The following RRM2B variants were observed in gnomAD, a reference collection of about 807,000 sequenced individuals.
RRM2B encodes the protein ribonucleotide reductase regulatory TP53 inducible subunit M2B.
RRM2B carries 20 observed loss-of-function variants against 45.9 expected under a neutral mutation model. That is an observed-to-expected ratio of 0.44 (90% CI 0.31 to 0.63). The LOEUF is 0.63. Among genes scored for constraint, RRM2B ranks in the 30% least tolerant of loss-of-function variants. The pLI is 0.09. For missense variants in RRM2B, 320 were observed against 414.7 expected (o/e 0.77, Z 1.98); for synonymous variants, 124 against 132.3 (o/e 0.94, Z 0.43).
At chr8:102,231,033 T>TA (rs1257439015) in intron 2 of RRM2B, among the ~76,000 whole-genome samples, 1 of 152,158 alleles carries the variant, frequency 6.6e-6, no homozygotes, top group Non-Finnish European at 1.5e-5. Context: ...TCTTGAAAAA[T>TA]AGATTCAAAT....
In RRM2B at chr8:102,226,036, T is replaced by C. The variant is rs863224194; in HGVS notation, c.205-2A>G. The C allele has an allele frequency of 6.3e-7, 1 of 1,579,654 alleles. No homozygotes were observed. Among genetic ancestry groups the C allele is most frequent in the Non-Finnish European group, 8.7e-7 (1 of 1,148,872 alleles). ...AGGGAGATCCTTTGATAAGTCGACC[T>C]GGAATAAAAAGATTTTCAAAAATTT... is the stretch of plus-strand genomic sequence containing the variant. On this transcript the variant is annotated splice_acceptor_variant, in intron 2 of 8. Transcript: ENST00000251810. LOFTEE classifies it high-confidence loss of function.
chr8:102,221,336 TAAG>T (rs1338628155), intron 5 of RRM2B, among the ~76,000 whole-genome samples: 11 of 152,178 alleles, frequency 7.2e-5, no homozygotes, highest in African/African-American at 9.7e-5. Flanking sequence ...CAAAAGGCAC[TAAG>T]AAGGTCACCA....
At chr8:102,228,884 A>G (rs1029162328) in intron 2 of RRM2B, among the ~76,000 whole-genome samples, 3 of 152,360 alleles carry the variant, frequency 2.0e-5, no homozygotes, top group East Asian at 1.9e-4. Context: ...AAAATCTTTT[A>G]AATATTTTTC....
rs1001932232 is a variant in RRM2B at position 102,207,184 on chromosome 8, T to TCCTG, written c.*948_*949insCAGG. 199 of 152,354 alleles carry TCCTG rather than the reference T, an allele frequency of 1.3e-3. 2 individuals carry two copies. The highest frequency in any genetic ancestry group is 4.7e-3 in the African/African-American group (196 of 41,582). 9.4% of individuals were successfully genotyped at this position (152,354 alleles called of 1,614,324 possible). On this transcript the variant is annotated 3_prime_UTR_variant, in exon 9 of 9. Coordinates refer to ENST00000251810, the MANE Select transcript of RRM2B (RefSeq NM_015713.5). The stretch of plus-strand genomic sequence containing the variant: ...CCACTGAACTGCTCAGTCTTTGATG[T>TCCTG]ACTGACTGTACTTGCTAAAGAAGAA...
At chr8:102,238,499 C>A (rs2132570216) in intron 1 of RRM2B, 1 of 1,378,916 alleles carries the variant, frequency 7.3e-7, no homozygotes, top group Admixed American at 2.3e-5. Flanking sequence ...GGCCAGGGCT[C>A]CAAAACAGGG....
chr8:102,218,790 C>G, intron 6 of RRM2B, 24 bp downstream of exon 6: 2 of 1,467,984 alleles, frequency 1.4e-6, no homozygotes, highest in South Asian at 2.3e-5. Context: ...ACAAATATAA[C>G]TAGAAAAACA....
intron 1 of RRM2B, chr8:102,238,309 C>A (rs1470948071): frequency 8.9e-6 from 3 of 336,164 alleles, no homozygotes; most frequent in Non-Finnish European, 1.8e-5. Flanking sequence ...GGCCTCCTAC[C>A]CTGATTTTTT....
Position 102,205,752 on chromosome 8 carries a change from A to G in RRM2B, c.*2381T>C, listed in dbSNP as rs1810532710. 6.6e-6 allele frequency: 1 copy of G among 152,146 alleles called. No individual in the cohort carries two copies. The highest frequency in any genetic ancestry group is 2.4e-5 in the African/African-American group (1 of 41,458). 9.4% of individuals were successfully genotyped at this position (152,146 alleles called of 1,614,324 possible). A position where few individuals can be genotyped will look rare whatever the true frequency, so the allele number is the denominator to read the frequency against. On this transcript the variant is annotated 3_prime_UTR_variant, in exon 9 of 9. Transcript: ENST00000251810. ...GATAATATTTTTAAAAGATTACACA[A>G]CTTCTTGATTCTTTAAGAACTAAGA...
chr8:102,214,729 C>T (rs1452529178), intron 6 of RRM2B, among the ~76,000 whole-genome samples: 1 of 122,946 alleles, frequency 8.1e-6, no homozygotes, highest in Non-Finnish European at 1.7e-5. Flanking sequence ...CCAGCCTGGG[C>T]AACATGGCAA....
intron 1 of RRM2B, among the ~76,000 whole-genome samples, chr8:102,236,401 C>T (rs930718844): frequency 1.3e-5 from 2 of 152,036 alleles, no homozygotes; most frequent in Non-Finnish European, 2.9e-5. Context: ...CAGAAAACCA[C>T]GTATAGGATT....
At chr8:102,216,155 A>T (rs1485304530) in intron 6 of RRM2B, among the ~76,000 whole-genome samples, 1 of 152,058 alleles carries the variant, frequency 6.6e-6, no homozygotes, top group African/African-American at 2.4e-5. Context: ...AAACCTTAAT[A>T]GATAATAAAG....
At chr8:102,213,339 G>A (rs777120843) in intron 7 of RRM2B, among the ~76,000 whole-genome samples, 8 of 152,034 alleles carry the variant, frequency 5.3e-5, no homozygotes, top group Non-Finnish European at 1.0e-4. Context: ...GGGGTTGGGA[G>A]ATAAAATAGC....
intron 8 of RRM2B, among the ~76,000 whole-genome samples, chr8:102,210,549 G>A (rs1456694758): frequency 6.6e-6 from 1 of 151,912 alleles, no homozygotes; most frequent in Non-Finnish European, 1.5e-5. Context: ...TGCAACCTCT[G>A]CCTCCTGGGT....
chr8:102,225,169 T>C (rs972786301), intron 3 of RRM2B, 151 bp from the exon 4 acceptor site: 1 of 704,944 alleles, frequency 1.4e-6, no homozygotes, highest in African/African-American at 1.8e-5. Flanking sequence ...TTAAGCAGTA[T>C]CCTAGGCAGT....
At chr8:102,235,672 C>G (rs2132566247) in intron 1 of RRM2B, among the ~76,000 whole-genome samples, 1 of 152,216 alleles carries the variant, frequency 6.6e-6, no homozygotes, top group East Asian at 1.9e-4. Flanking sequence ...AACCCCGTCT[C>G]TACTAAAAAT....
Position 102,207,931 on chromosome 8 carries a change from C to G in RRM2B, c.*202G>C. On this transcript the variant is annotated 3_prime_UTR_variant, in exon 9 of 9. Coordinates refer to ENST00000251810, the MANE Select transcript of RRM2B (RefSeq NM_015713.5). Reference sequence around the variant, plus strand: ...ATAATGCCATCTTTTATTTCAGTGACAAGACAAAAGCATTTAGGTCACACT... The same window carrying G: ...ATAATGCCATCTTTTATTTCAGTGAGAAGACAAAAGCATTTAGGTCACACT... The G allele has an allele frequency of 1.9e-6, 1 of 527,248 alleles. No homozygotes were observed. The highest frequency in any genetic ancestry group is 3.4e-6 in the Non-Finnish European group (1 of 296,528). The allele number at this position is 527,248 out of a possible 1,614,324, so 32.7% of individuals were successfully genotyped here.
In RRM2B at chr8:102,238,906, AG is replaced by A; in HGVS notation, c.-33del. ...GACTCCGCCGAAGCTACGGGCGCTG[AG>A]GGAACTGAGCTCCTCAGGCCACCTC... On this transcript the variant is annotated 5_prime_UTR_variant, in exon 1 of 9. Coordinates refer to ENST00000251810, the MANE Select transcript of RRM2B (RefSeq NM_015713.5). 6.2e-7 allele frequency: 1 copy of A among 1,605,890 alleles called. No individual in the cohort carries two copies. The highest frequency in any genetic ancestry group is 8.5e-7 in the Non-Finnish European group (1 of 1,179,252).
intron 2 of RRM2B, among the ~76,000 whole-genome samples, chr8:102,227,263 T>G (rs1233034043): frequency 2.0e-5 from 3 of 152,188 alleles, no homozygotes; most frequent in Non-Finnish European, 4.4e-5. Context: ...GGAGACGTAC[T>G]TTAGAATTTG....
intron 3 of RRM2B, among the ~76,000 whole-genome samples, chr8:102,225,228 C>CTTTTTTTTTTTTTTTTT (rs918693739): frequency 1.1e-5 from 1 of 87,510 alleles, no homozygotes; most frequent in African/African-American, 4.5e-5. Flanking sequence ...ATAGTATATT[C>CTTTTTTTTTTTTTTTTT]TTTTTTTTTT....
Sources: allele counts gnomAD v4.1 joint callset (sites outside exome capture counted in the v4.1 genomes callset), GRCh38; gene constraint gnomAD v4.1.1; transcripts MANE v1.5; gene names NCBI Gene and HGNC (gene_info 2026-07-23, HGNC 2026-07-21).